LRRC7: variants seen among roughly 807,000 people sequenced by gnomAD.
LRRC7 encodes leucine-rich repeat-containing protein 7.
In LRRC7, 23 loss-of-function variants were observed where a neutral mutation model predicts 175.7. The observed-to-expected ratio is 0.13, with a 90% CI of 0.09 to 0.19. LRRC7 has a LOEUF of 0.19. LRRC7 is among the 10% of genes least tolerant of loss of function. LRRC7 has a pLI of 1.00. For synonymous variants in LRRC7, 685 were observed against 680.9 expected, an observed-to-expected ratio of 1.01 and a Z score of -0.09; for missense variants, 1,354 against 1,904.7, an observed-to-expected ratio of 0.71 and a Z score of 5.38.
chr1:69,986,923 A>G (rs556090583), intron 10 of LRRC7, among the ~76,000 whole-genome samples: 1 of 152,282 alleles, frequency 6.6e-6, no homozygotes, highest in South Asian at 2.1e-4. Context: ...TTAGTGTATA[A>G]AAAGCACTCA....
intron 3 of LRRC7, among the ~76,000 whole-genome samples, chr1:69,785,858 CATTTT>C (rs1162886194): frequency 6.6e-6 from 1 of 152,144 alleles, no homozygotes; most frequent in African/African-American, 2.4e-5. Flanking sequence ...CTACCTCACT[CATTTT>C]ATTTTCTACG....
At chr1:69,999,216 A>G (rs958736600) in intron 11 of LRRC7, among the ~76,000 whole-genome samples, 1 of 152,202 alleles carries the variant, frequency 6.6e-6, no homozygotes, top group Non-Finnish European at 1.5e-5. Context: ...CTTTTATACT[A>G]CTGTATTCAA....
At chr1:69,966,610 C>T (rs11209581) in intron 8 of LRRC7, among the ~76,000 whole-genome samples, 9,518 of 152,238 alleles carry the variant, frequency 0.063, 296 homozygotes, top group South Asian at 0.11. Flanking sequence ...CTGAAGGAAG[C>T]GGATTGCTCC....
intron 1 of LRRC7, among the ~76,000 whole-genome samples, chr1:69,585,243 T>A (rs1569705931): frequency 9.1e-6 from 1 of 109,878 alleles, no homozygotes; most frequent in South Asian, 3.1e-4. Context: ...TATATACTTT[T>A]CTTTATGTAA....
chr1:69,887,584 T>C (rs1267481967), intron 7 of LRRC7, among the ~76,000 whole-genome samples: 1 of 152,036 alleles, frequency 6.6e-6, no homozygotes, highest in Non-Finnish European at 1.5e-5. Flanking sequence ...TAGCTCAGAG[T>C]AATTTGATCG....
intron 2 of LRRC7, among the ~76,000 whole-genome samples, chr1:69,688,631 G>GTT (rs78791999): frequency 0.058 from 7,275 of 124,490 alleles, 208 homozygotes; most frequent in Admixed American, 0.078. Context: ...TCTTTTTATG[G>GTT]TTTTTTTTTT....
At chr1:69,815,268 CGG>C (rs982473777) in intron 4 of LRRC7, among the ~76,000 whole-genome samples, 4 of 151,986 alleles carry the variant, frequency 2.6e-5, no homozygotes, top group Admixed American at 1.3e-4. Flanking sequence ...CTTTGGAAAA[CGG>C]TGTGTGCAAA....
At chr1:69,575,120 G>T (rs1645892447) in intron 1 of LRRC7, among the ~76,000 whole-genome samples, 1 of 152,028 alleles carries the variant, frequency 6.6e-6, no homozygotes, top group Non-Finnish European at 1.5e-5. Context: ...AATTTAGAGG[G>T]TCTCATTTTA....
At chr1:69,716,137 T>C in intron 2 of LRRC7, 1 of 423,006 alleles carries the variant, frequency 2.4e-6, no homozygotes, top group Admixed American at 4.3e-5. Context: ...TCTTTTTTTT[T>C]AAAGGAGCCC....
intron 7 of LRRC7, among the ~76,000 whole-genome samples, chr1:69,893,138 G>T (rs1455144699): frequency 6.6e-6 from 1 of 152,144 alleles, no homozygotes; most frequent in Non-Finnish European, 1.5e-5. Flanking sequence ...GGAGATTGAA[G>T]AAATAATCAA....
chr1:70,136,578 T>A lies in LRRC7; in HGVS notation c.*14691T>A, dbSNP rs1666880997. 6.6e-6 allele frequency among the ~76,000 whole-genome samples: 1 copy of A among 151,930 alleles called. No individual in the cohort carries two copies. ...TGGTCCTACCCCTCAAGAAACACAGTCTAGTGGGGAGACACACAAAAAGTC... is the reference window on the plus strand; with the variant it reads ...TGGTCCTACCCCTCAAGAAACACAGACTAGTGGGGAGACACACAAAAAGTC... On this transcript the variant is annotated 3_prime_UTR_variant, in exon 27 of 27. Coordinates refer to ENST00000651989, the MANE Select transcript of LRRC7 (RefSeq NM_001370785.2).
rs1666592051 is a variant in LRRC7 at position 70,129,714 on chromosome 1, G to T, written c.*7827G>T. The stretch of plus-strand genomic sequence containing the variant: ...TCATGTTTATTTACTTCACTTTTTG[G>T]GTGGAGAACATTTTCACTACACGCT... On this transcript the variant is annotated 3_prime_UTR_variant, in exon 27 of 27. Transcript: ENST00000651989. Among the ~76,000 whole-genome samples the T allele has an allele frequency of 6.6e-6, 1 of 152,072 alleles. No homozygotes were observed. Among genetic ancestry groups the T allele is most frequent in the Non-Finnish European group, 1.5e-5 (1 of 68,016 alleles).
intron 23 of LRRC7, among the ~76,000 whole-genome samples, chr1:70,069,479 T>G (rs529943112): frequency 1.8e-4 from 28 of 152,134 alleles, no homozygotes; most frequent in Admixed American, 5.9e-4. Context: ...AAGATGAGAT[T>G]TTGGGTGGGG....
intron 2 of LRRC7, among the ~76,000 whole-genome samples, chr1:69,736,051 A>C (rs1221583244): frequency 6.6e-6 from 1 of 152,186 alleles, no homozygotes; most frequent in Non-Finnish European, 1.5e-5. Flanking sequence ...GGATACATTT[A>C]GTAACATTAG....
At chr1:69,676,033 A>T (rs1659723213) in intron 1 of LRRC7, among the ~76,000 whole-genome samples, 1 of 151,242 alleles carries the variant, frequency 6.6e-6, no homozygotes, top group Non-Finnish European at 1.5e-5. Context: ...ACACACACAC[A>T]CACACACAAG....
intron 7 of LRRC7, among the ~76,000 whole-genome samples, chr1:69,923,915 C>T (rs1466726615): frequency 5.9e-5 from 9 of 151,732 alleles, no homozygotes; most frequent in African/African-American, 1.9e-4. Context: ...AGGTTTTCTT[C>T]TAGGGTTTTT....
intron 4 of LRRC7, among the ~76,000 whole-genome samples, chr1:69,823,280 A>T (rs1164016213): frequency 1.3e-5 from 2 of 152,170 alleles, no homozygotes; most frequent in Non-Finnish European, 1.5e-5. Context: ...CATTACTCAG[A>T]TACTAAAATG....
At chr1:69,807,199 G>C (rs1259665054) in intron 4 of LRRC7, among the ~76,000 whole-genome samples, 1 of 152,028 alleles carries the variant, frequency 6.6e-6, no homozygotes, top group Admixed American at 6.6e-5. Flanking sequence ...CTTTGCACGT[G>C]AGATGGGTCT....
At chr1:69,603,732 A>G (rs1647175726) in intron 1 of LRRC7, among the ~76,000 whole-genome samples, 1 of 152,156 alleles carries the variant, frequency 6.6e-6, no homozygotes, top group Admixed American at 6.5e-5. Flanking sequence ...TAGCTGAAAA[A>G]TAATTGTATT....
Sources: allele counts gnomAD v4.1 joint callset (sites outside exome capture counted in the v4.1 genomes callset), GRCh38; gene constraint gnomAD v4.1.1; transcripts MANE v1.5; gene names NCBI Gene and HGNC (gene_info 2026-07-23, HGNC 2026-07-21).